The following ZNF883 variants were observed in gnomAD, a reference collection of about 807,000 sequenced individuals.
ZNF883 encodes zinc finger protein 883.
chr9:113,011,820 A>C (rs1409098528), intron 1 of ZNF883, among the ~76,000 whole-genome samples: 1 of 152,084 alleles, frequency 6.6e-6, no homozygotes, highest in East Asian at 1.9e-4. Flanking sequence ...CCCCCATCAC[A>C]GTCAAAGCAA....
intron 2 of ZNF883, among the ~76,000 whole-genome samples, chr9:113,009,732 T>C (rs1828514471): frequency 6.6e-6 from 1 of 152,136 alleles, no homozygotes; most frequent in Non-Finnish European, 1.5e-5. Context: ...ATGGTCTCAA[T>C]CTCTTGACCT....
At chr9:112,997,261 G>C in exon 1 of ZNF883, 1 of 1,614,120 alleles carries the variant, frequency 6.2e-7, no homozygotes, top group South Asian at 1.1e-5. Context: ...TTAGAGCTGA[G>C]CTTAAGCTGA....
At chr9:112,988,422 T>C (rs1317430167) in intron 1 of ZNF883, among the ~76,000 whole-genome samples, 2 of 152,202 alleles carry the variant, frequency 1.3e-5, no homozygotes, top group Non-Finnish European at 2.9e-5. Flanking sequence ...CCTGTGTTAG[T>C]TTGCTGAGGA....
At chr9:113,002,975 A>ACC (rs1828440777), upstream of ZNF883, among the ~76,000 whole-genome samples, 1 of 152,196 alleles carries the variant, frequency 6.6e-6, no homozygotes, top group Non-Finnish European at 1.5e-5. Context: ...ACCTGTTGGC[A>ACC]CCATGATCTT....
chr9:113,008,647 T>C (rs1051305476), intron 2 of ZNF883, among the ~76,000 whole-genome samples: 1 of 152,164 alleles, frequency 6.6e-6, no homozygotes, highest in Admixed American at 6.5e-5. Context: ...TATGTCTATA[T>C]AGCTAAATAA....
downstream of ZNF883, among the ~76,000 whole-genome samples, chr9:112,993,841 A>G (rs1828324575): frequency 6.6e-6 from 1 of 152,224 alleles, no homozygotes; most frequent in Admixed American, 6.5e-5. Context: ...AACCTTTTAT[A>G]GCTGCTGTGC....
At chr9:113,009,800 G>A (rs1031392742) in intron 2 of ZNF883, among the ~76,000 whole-genome samples, 7 of 152,082 alleles carry the variant, frequency 4.6e-5, no homozygotes, top group African/African-American at 1.4e-4. Flanking sequence ...GAGCCATCAC[G>A]CCCGGCCCAT....
chr9:113,001,385 A>G (rs562073930), upstream of ZNF883, among the ~76,000 whole-genome samples: 47 of 152,242 alleles, frequency 3.1e-4, no homozygotes, highest in Middle Eastern at 3.4e-3. Context: ...AAATAATGGA[A>G]TCTGATGTAC....
chr9:112,990,094 G>A (rs1335492657), intron 1 of ZNF883, among the ~76,000 whole-genome samples: 2 of 152,120 alleles, frequency 1.3e-5, no homozygotes, highest in African/African-American at 4.8e-5. Context: ...CTTCCTATTT[G>A]AATACCCTTT....
At chr9:113,006,689 T>C (rs564991552) in intron 2 of ZNF883, among the ~76,000 whole-genome samples, 111 of 152,312 alleles carry the variant, frequency 7.3e-4, no homozygotes, top group African/African-American at 2.6e-3. Flanking sequence ...AATTACCTTA[T>C]TGCCATATAA....
upstream of ZNF883, among the ~76,000 whole-genome samples, chr9:113,002,844 T>C (rs1828439614): frequency 1.3e-5 from 2 of 151,968 alleles, no homozygotes; most frequent in Non-Finnish European, 2.9e-5. Flanking sequence ...TTAAGGACCT[T>C]ATAAAAAGGC....
At chr9:113,003,893 A>C (rs1828450390) in intron 2 of ZNF883, among the ~76,000 whole-genome samples, 1 of 152,218 alleles carries the variant, frequency 6.6e-6, no homozygotes, top group Admixed American at 6.5e-5. Context: ...TAAAGATGTT[A>C]ATTCTCCCCT....
chr9:113,000,132 A>G (rs558798125), upstream of ZNF883, among the ~76,000 whole-genome samples: 1 of 152,360 alleles, frequency 6.6e-6, no homozygotes, highest in South Asian at 2.1e-4. Context: ...TATGTTTTGT[A>G]TGATATCACA....
exon 1 of ZNF883, chr9:112,997,130 A>G: frequency 1.2e-6 from 2 of 1,600,244 alleles, no homozygotes; most frequent in South Asian, 2.2e-5. Context: ...TTACTCTGCT[A>G]AGGTTTCCTT....
chr9:112,988,538 C>T (rs1262451627), intron 1 of ZNF883, among the ~76,000 whole-genome samples: 1 of 151,888 alleles, frequency 6.6e-6, no homozygotes, highest in African/African-American at 2.4e-5. Flanking sequence ...ATTCCATTTT[C>T]TTTATCCAGT....
At chr9:113,005,155 TAAA>T (rs1811409219) in intron 2 of ZNF883, among the ~76,000 whole-genome samples, 1 of 151,932 alleles carries the variant, frequency 6.6e-6, no homozygotes, top group Admixed American at 6.6e-5. Flanking sequence ...AAATCCTTAA[TAAA>T]ATATAAAATC....
chr9:113,005,044 A>G (rs528842029), intron 2 of ZNF883, among the ~76,000 whole-genome samples: 1 of 152,238 alleles, frequency 6.6e-6, no homozygotes, highest in East Asian at 1.9e-4. Flanking sequence ...TGCCTTATGA[A>G]AAATAATTAT....
chr9:113,002,387 T>C (rs1421055568), upstream of ZNF883, among the ~76,000 whole-genome samples: 2 of 145,082 alleles, frequency 1.4e-5, no homozygotes, highest in Non-Finnish European at 3.0e-5. Context: ...TAACATGGTA[T>C]CTTGAATGAG....
At chr9:112,995,763 AAAAT>A (rs1333416231), downstream of ZNF883, among the ~76,000 whole-genome samples, 1 of 152,164 alleles carries the variant, frequency 6.6e-6, no homozygotes, top group Non-Finnish European at 1.5e-5. Context: ...TAGAAGTTCT[AAAAT>A]AAACCTTAGT....
Sources: gnomAD v4.1 joint callset for allele counts (sites outside exome capture counted in the v4.1 genomes callset) on GRCh38, gnomAD v4.1.1 for gene constraint, MANE v1.5 for transcripts, NCBI Gene and HGNC (gene_info 2026-07-23, HGNC 2026-07-21) for gene names.